The following MPC2 variants were observed in gnomAD, a reference collection of about 807,000 sequenced individuals.
MPC2 encodes mitochondrial pyruvate carrier 2, also known as brain protein 44.
Under a neutral mutation model 19.2 loss-of-function variants are expected in MPC2, and 19 were observed. That is an observed-to-expected ratio of 0.99 (90% CI 0.69 to 1.45). The LOEUF is 1.45. MPC2 is among the 40% of genes most tolerant of loss of function. The pLI is 0.00. For missense variants in MPC2, 122 were observed against 153.0 expected (o/e 0.80, Z 1.07); for synonymous variants, 61 against 54.3 (o/e 1.12, Z -0.54).
intron 2 of MPC2, among the ~76,000 whole-genome samples, chr1:167,925,943 A>C (rs1213430156): frequency 2.0e-5 from 3 of 152,220 alleles, no homozygotes; most frequent in Non-Finnish European, 4.4e-5. Context: ...AATAGTTTTA[A>C]AATATGTTTG....
chr1:167,928,592 A>G (rs886581749), intron 2 of MPC2, among the ~76,000 whole-genome samples: 4 of 152,240 alleles, frequency 2.6e-5, no homozygotes, highest in African/African-American at 4.8e-5. Context: ...TAAAGTTTTG[A>G]CAAAACAAAG....
intron 2 of MPC2, among the ~76,000 whole-genome samples, chr1:167,934,949 A>C (rs1159748946): frequency 2.0e-5 from 3 of 152,008 alleles, no homozygotes; most frequent in Non-Finnish European, 4.4e-5. Context: ...TTTTTCAACC[A>C]CAAGAACACA....
chr1:167,928,178 C>A lies in MPC2; in HGVS notation c.110-3641G>T, dbSNP rs199630574. On this transcript the variant is annotated intron_variant, in intron 2 of 5. Coordinates refer to ENST00000271373, the MANE Select transcript of MPC2 (RefSeq NM_001143674.4). ...CCTGGCTAACACGGTGAAACCCTGT[C>A]TCTACTAAAAATACAAAAAATTAGC... Among the ~76,000 whole-genome samples, 3 of 152,084 alleles carry A rather than the reference C, an allele frequency of 2.0e-5. No homozygotes were observed. In the East Asian group the frequency reaches 5.8e-4, roughly 29 times the overall value.
chr1:167,935,620 G>C (rs1440642445), intron 2 of MPC2, 113 bp downstream of exon 2: 4 of 794,488 alleles, frequency 5.0e-6, no homozygotes, highest in Non-Finnish European at 8.4e-6. Flanking sequence ...TTGAAGGGAA[G>C]GGATTGGGGC....
rs201765148 is a variant in MPC2 at position 167,922,597 on chromosome 1, G to GA, written c.150+1899dup. Among the ~76,000 whole-genome samples the GA allele has an allele frequency of 3.3e-4, 48 of 147,510 alleles. No homozygotes were observed. The East Asian group carries it at 4.1e-3, about 13-fold the overall frequency. ...GGATCTTTTCTCAATATGTAGATAT[G>GA]AAAAAAAAAACCTGCTCCCTAGATC... On this transcript the variant is annotated intron_variant, in intron 3 of 5. Transcript: ENST00000271373.
intron 4 of MPC2, 52 bp from the exon 5 acceptor site, chr1:167,920,142 T>A: frequency 9.0e-7 from 1 of 1,112,026 alleles, no homozygotes; most frequent in Non-Finnish European, 1.4e-6. Flanking sequence ...TTCAATAACT[T>A]CAGTGAATAC....
At chr1:167,926,760 G>C (rs1670768485) in intron 2 of MPC2, among the ~76,000 whole-genome samples, 1 of 152,172 alleles carries the variant, frequency 6.6e-6, no homozygotes, top group Non-Finnish European at 1.5e-5. Context: ...TGATAAGCTA[G>C]GCAAACATTC....
At chr1:167,922,641 C>T (rs546745590) in intron 3 of MPC2, among the ~76,000 whole-genome samples, 1 of 151,890 alleles carries the variant, frequency 6.6e-6, no homozygotes, top group Admixed American at 6.6e-5. Context: ...ATACAGCTCC[C>T]GAATGACTTA....
chr1:167,935,977 G>A lies in MPC2; in HGVS notation c.-57-79C>T, dbSNP rs1393775735. 5.8e-6 allele frequency: 4 copies of A among 685,362 alleles called. No homozygotes were observed. In the East Asian group the frequency reaches 8.2e-5, roughly 14 times the overall value. 42.5% of individuals were successfully genotyped at this position (685,362 alleles called of 1,614,324 possible). A position where few individuals can be genotyped will look rare whatever the true frequency, so the allele number is the denominator to read the frequency against. ...CTCTCGCCTGGAGTACCCTTCCCGCGGCTTTCCCTGCCCGCTGTGAACCGA... is the reference window on the plus strand; with the variant it reads ...CTCTCGCCTGGAGTACCCTTCCCGCAGCTTTCCCTGCCCGCTGTGAACCGA... On this transcript the variant is annotated intron_variant, in intron 1 of 5. Transcript: ENST00000271373.
intron 3 of MPC2, 104 bp downstream of exon 3, chr1:167,924,393 C>A: frequency 1.1e-6 from 1 of 925,118 alleles, no homozygotes; most frequent in Non-Finnish European, 1.6e-6. Flanking sequence ...AGAGGCATAC[C>A]AAGAATACTC....
intron 3 of MPC2, among the ~76,000 whole-genome samples, chr1:167,921,710 T>A (rs1670608010): frequency 6.6e-6 from 1 of 152,198 alleles, no homozygotes; most frequent in African/African-American, 2.4e-5. Flanking sequence ...TTTACATGAT[T>A]TAATAAATTG....
chr1:167,931,427 G>A lies in MPC2; in HGVS notation c.109+4306C>T, dbSNP rs540600210. Among the ~76,000 whole-genome samples, 10 of 152,050 alleles carry A rather than the reference G, an allele frequency of 6.6e-5. No individual in the cohort carries two copies. In the South Asian group the frequency reaches 2.1e-3, roughly 32 times the overall value. ...TATTTTTCACCAATATTTTACAATTGTATTTGAAATTCTAATCTTACATCT... is the reference window on the plus strand; with the variant it reads ...TATTTTTCACCAATATTTTACAATTATATTTGAAATTCTAATCTTACATCT... On this transcript the variant is annotated intron_variant, in intron 2 of 5. Transcript: ENST00000271373.
At chr1:167,919,945 G>A (rs533622874) in intron 5 of MPC2, 34 bp downstream of exon 5, 37 of 1,499,990 alleles carry the variant, frequency 2.5e-5, no homozygotes, top group African/African-American at 2.3e-4. Flanking sequence ...AGTAGCTTTT[G>A]CAACAGTTTT....
At chr1:167,922,329 C>T (rs1329768338) in intron 3 of MPC2, among the ~76,000 whole-genome samples, 1 of 151,934 alleles carries the variant, frequency 6.6e-6, no homozygotes, top group Non-Finnish European at 1.5e-5. Flanking sequence ...AGTAATGAAC[C>T]AGTTCAAATA....
At chr1:167,926,678 T>C (rs1217525294) in intron 2 of MPC2, among the ~76,000 whole-genome samples, 2 of 152,192 alleles carry the variant, frequency 1.3e-5, no homozygotes, top group Non-Finnish European at 2.9e-5. Context: ...GGGATGCTGT[T>C]AAACATCCTC....
chr1:167,921,570 T>A (rs896241725), intron 3 of MPC2, among the ~76,000 whole-genome samples: 12 of 152,270 alleles, frequency 7.9e-5, no homozygotes, highest in African/African-American at 2.6e-4. Context: ...CATGGCCATT[T>A]CTCTTCTGTG....
Position 167,936,975 on chromosome 1 carries a change from G to A in MPC2, c.-94C>T. 1 of 1,611,186 alleles carries A rather than the reference G, an allele frequency of 6.2e-7. No individual in the cohort carries two copies. On this transcript the variant is annotated 5_prime_UTR_variant, in exon 1 of 6. Coordinates refer to ENST00000271373, the MANE Select transcript of MPC2 (RefSeq NM_001143674.4). Reference sequence around the variant, plus strand: ...CGTGAGGAAAAGGTCCCTCGGGCTGGAGGACCCGTCCCGGCTGCGGAGTCG... The same window carrying A: ...CGTGAGGAAAAGGTCCCTCGGGCTGAAGGACCCGTCCCGGCTGCGGAGTCG...
chr1:167,936,861 C>T, intron 1 of MPC2, 78 bp downstream of exon 1: 3 of 1,442,186 alleles, frequency 2.1e-6, no homozygotes, highest in Non-Finnish European at 2.9e-6. Context: ...CCTCCCCCTC[C>T]TCCCCTCCCC....
At chr1:167,933,357 G>A (rs1454187293) in intron 2 of MPC2, among the ~76,000 whole-genome samples, 1 of 152,042 alleles carries the variant, frequency 6.6e-6, no homozygotes, top group East Asian at 1.9e-4. Flanking sequence ...AGTAGAGATA[G>A]GGTTTCATCA....
Sources: allele counts gnomAD v4.1 joint callset (sites outside exome capture counted in the v4.1 genomes callset), GRCh38; gene constraint gnomAD v4.1.1; transcripts MANE v1.5; gene names NCBI Gene and HGNC (gene_info 2026-07-23, HGNC 2026-07-21).